The following WWOX variants were observed in gnomAD, a reference collection of about 807,000 sequenced individuals.
WWOX encodes the protein WW domain-containing oxidoreductase.
In WWOX, 69 loss-of-function variants were observed where a neutral mutation model predicts 46.2. The ratio of observed to expected loss-of-function variants is 1.49; its 90% CI spans 1.23 to 1.82. The LOEUF (loss-of-function observed/expected upper bound fraction) is 1.82, where lower values mean the gene tolerates loss of function less well. Among genes scored for constraint, WWOX ranks in the 40% most tolerant of loss-of-function variants. The probability of loss-of-function intolerance (pLI) is 0.00; values close to 1 mark genes in which losing one functional copy is unlikely to be tolerated. For synonymous variants in WWOX, 359 were observed against 202.6 expected (o/e 1.77, Z -6.56); for missense variants, 919 against 542.6 (o/e 1.69, Z -6.89).
chr16:78,191,193 C>T (rs929164630), intron 5 of WWOX, among the ~76,000 whole-genome samples: 1 of 152,164 alleles, frequency 6.6e-6, no homozygotes, highest in Non-Finnish European at 1.5e-5. Flanking sequence ...CCGCCAGCCA[C>T]ACACACCTTT....
chr16:78,104,335 GCA>G, intron 1 of WWOX, among the ~76,000 whole-genome samples: 1 of 87,938 alleles, frequency 1.1e-5, no homozygotes, highest in East Asian at 3.3e-4. Flanking sequence ...AAAAACACAC[GCA>G]CGCACGCACG....
chr16:78,221,598 A>G (rs540796650), intron 5 of WWOX, among the ~76,000 whole-genome samples: 81 of 152,306 alleles, frequency 5.3e-4, no homozygotes, highest in African/African-American at 1.9e-3. Flanking sequence ...ACAAATCACA[A>G]TATTGAAGCA....
intron 8 of WWOX, among the ~76,000 whole-genome samples, chr16:78,987,747 C>A (rs1055629583): frequency 6.6e-6 from 1 of 152,168 alleles, no homozygotes; most frequent in Non-Finnish European, 1.5e-5. Context: ...TCGGCCCAAA[C>A]TCTCTGTGTC....
At chr16:79,102,164 T>A (rs1015973824) in intron 8 of WWOX, among the ~76,000 whole-genome samples, 3 of 151,978 alleles carry the variant, frequency 2.0e-5, no homozygotes, top group Admixed American at 1.3e-4. Flanking sequence ...TTTTGAGGAA[T>A]CAGTGAGAAA....
rs570856185 is a variant in WWOX at position 79,101,281 on chromosome 16, G to C, written c.1057-110327G>C. 6 of 152,288 alleles carry C rather than the reference G, an allele frequency of 3.9e-5. No individual in the cohort carries two copies. The South Asian group carries it at 1.2e-3, about 32-fold the overall frequency. 9.4% of individuals were successfully genotyped at this position (152,288 alleles called of 1,614,324 possible). A position where few individuals can be genotyped will look rare whatever the true frequency, so the allele number is the denominator to read the frequency against. ...CAGTGGAATGTTTTGAAATGAGCTT[G>C]ATTCTGTTTACCCATCCTTCTTAAT... On this transcript the variant is annotated intron_variant, in intron 8 of 8. Coordinates refer to ENST00000566780, the MANE Select transcript of WWOX (RefSeq NM_016373.4).
At chr16:78,991,325 G>A (rs1362263989) in intron 8 of WWOX, among the ~76,000 whole-genome samples, 2 of 152,156 alleles carry the variant, frequency 1.3e-5, no homozygotes, top group Non-Finnish European at 2.9e-5. Context: ...CAGGCACAGT[G>A]GCTCACGCCT....
intron 8 of WWOX, among the ~76,000 whole-genome samples, chr16:78,560,710 A>G (rs942440169): frequency 3.3e-5 from 5 of 152,192 alleles, no homozygotes; most frequent in Non-Finnish European, 7.3e-5. Context: ...TTTTGAAACC[A>G]GTTCTTAAGC....
chr16:79,008,511 T>C (rs1020479931), intron 8 of WWOX, among the ~76,000 whole-genome samples: 1 of 152,108 alleles, frequency 6.6e-6, no homozygotes, highest in Non-Finnish European at 1.5e-5. Flanking sequence ...GGGGATTCTA[T>C]AGGAAATGGA....
intron 8 of WWOX, among the ~76,000 whole-genome samples, chr16:78,780,095 C>T (rs372325764): frequency 1.3e-5 from 2 of 152,128 alleles, no homozygotes; most frequent in Admixed American, 6.6e-5. Flanking sequence ...CCATGGTTCT[C>T]GTACTTCAGG....
intron 8 of WWOX, among the ~76,000 whole-genome samples, chr16:78,715,827 A>G (rs376431187): frequency 6.6e-6 from 1 of 151,518 alleles, no homozygotes; most frequent in African/African-American, 2.4e-5. Flanking sequence ...GAATCTATCA[A>G]CTCCCTTCTG....
chr16:78,336,598 C>G (rs935087120), intron 5 of WWOX, among the ~76,000 whole-genome samples: 1 of 151,460 alleles, frequency 6.6e-6, no homozygotes, highest in African/African-American at 2.4e-5. Context: ...TGTTGAGGAC[C>G]TGTCAAACAA....
intron 4 of WWOX, among the ~76,000 whole-genome samples, chr16:78,136,700 C>G (rs765317659): frequency 2.0e-5 from 3 of 152,210 alleles, no homozygotes; most frequent in Non-Finnish European, 4.4e-5. Context: ...AGAGGTCTAT[C>G]AAATAACACA....
intron 8 of WWOX, among the ~76,000 whole-genome samples, chr16:78,446,579 A>T (rs748098611): frequency 9.9e-5 from 15 of 150,882 alleles, no homozygotes; most frequent in Non-Finnish European, 2.2e-4. Flanking sequence ...ATAATTGTTC[A>T]TTATTACCTT....
chr16:78,728,159 G>C (rs1439017972), intron 8 of WWOX, among the ~76,000 whole-genome samples: 1 of 146,762 alleles, frequency 6.8e-6, no homozygotes, highest in African/African-American at 2.5e-5. Flanking sequence ...TAACCTCCTG[G>C]GTTCAAGTGA....
intron 8 of WWOX, among the ~76,000 whole-genome samples, chr16:78,477,805 C>G (rs1313361591): frequency 6.6e-6 from 1 of 152,014 alleles, no homozygotes; most frequent in Non-Finnish European, 1.5e-5. Context: ...AAGTCAAACA[C>G]ATTAAATGGT....
intron 8 of WWOX, among the ~76,000 whole-genome samples, chr16:78,880,126 G>A (rs962593288): frequency 6.6e-6 from 1 of 152,160 alleles, no homozygotes; most frequent in Non-Finnish European, 1.5e-5. Flanking sequence ...GAAAACTGGG[G>A]TCTATTTGGT....
chr16:78,979,414 T>C (rs2046637092), intron 8 of WWOX, among the ~76,000 whole-genome samples: 1 of 152,202 alleles, frequency 6.6e-6, no homozygotes, highest in Non-Finnish European at 1.5e-5. Context: ...GAGAAGTTTA[T>C]GTCTGTCTCG....
chr16:78,997,853 G>C (rs2047020154), intron 8 of WWOX, among the ~76,000 whole-genome samples: 1 of 152,074 alleles, frequency 6.6e-6, no homozygotes, highest in Non-Finnish European at 1.5e-5. Context: ...TGAATGTTTT[G>C]CAGCCTAATG....
At chr16:78,753,941 CAG>C (rs775929054) in intron 8 of WWOX, among the ~76,000 whole-genome samples, 7 of 141,180 alleles carry the variant, frequency 5.0e-5, no homozygotes, top group African/African-American at 1.3e-4. Context: ...GTGGCAGAAA[CAG>C]GGGAATTCTG....
Sources: allele counts gnomAD v4.1 joint callset (sites outside exome capture counted in the v4.1 genomes callset), GRCh38; gene constraint gnomAD v4.1.1; transcripts MANE v1.5; gene names NCBI Gene and HGNC (gene_info 2026-07-23, HGNC 2026-07-21).